Variants in ITGB7 observed in about 807,000 individuals in gnomAD.
The protein encoded by ITGB7 is integrin subunit beta 7.
Under a neutral mutation model 83.4 loss-of-function variants are expected in ITGB7, and 55 were observed. The ratio of observed to expected loss-of-function variants is 0.66; its 90% CI spans 0.53 to 0.83. The LOEUF is 0.83. Ranked by LOEUF, ITGB7 falls within the 40% of genes least tolerant of loss-of-function variation. The pLI is 0.00. For missense variants in ITGB7, 921 were observed against 1,046.7 expected (o/e 0.88, Z 1.66); for synonymous variants, 454 against 423.6 (o/e 1.07, Z -0.88).
At position 53,192,414 on chromosome 12, in the gene ITGB7, G is replaced by T. The variant is rs2230397; in HGVS notation, c.2071C>A (p.Arg691=). ...PILDDGWCKE[R]TLDNQLFFFL... is the part of the protein sequence containing the mutation. Reference sequence around the variant, plus strand: ...AAGAACAGCTGGTTGTCCAGGGTCCGCTCTTTGCACCAGCCATCATCCAAG... The same window carrying T: ...AAGAACAGCTGGTTGTCCAGGGTCCTCTCTTTGCACCAGCCATCATCCAAG... The change falls in exon 14 of 16, where the codon CGG becomes AGG. Residue 691 remains arginine, a synonymous_variant. Transcript: ENST00000267082. 9,192 of 1,613,948 alleles carry T rather than the reference G, an allele frequency of 5.7e-3. 451 individuals are homozygous for T. The African/African-American group carries it at 0.11, about 19-fold the overall frequency.
In ITGB7 at chr12:53,196,774, T is replaced by C. The variant is rs1312020848; in HGVS notation, c.621A>G (p.Thr207=). The stretch of plus-strand genomic sequence containing the variant: ...AGGGGTGGCGCAGTTTGGAGGGTAC[T>C]GTGCTCACAAAGGGCAGCACCGTTT... ...VDKTVLPFVS[T]VPSKLRHPCP... Residue 207 remains threonine, a synonymous_variant, in exon 6 of 16, where the codon ACA becomes ACG. Coordinates refer to ENST00000267082, the MANE Select transcript of ITGB7 (RefSeq NM_000889.3). The C allele has an allele frequency of 5.0e-6, 8 of 1,611,744 alleles. No homozygotes were observed. The highest frequency in any genetic ancestry group is 4.2e-6 in the Non-Finnish European group (5 of 1,178,194).
Position 53,191,392 on chromosome 12 carries a change from A to G in ITGB7, c.*164T>C, listed in dbSNP as rs930866608. On this transcript the variant is annotated 3_prime_UTR_variant, in exon 16 of 16. Transcript: ENST00000267082. ...TGGATGCAAGGTTGCAGGCATGGGA[A>G]GCAGCCCTCTTGGGTGTCACTCTGA... 1 of 648,592 alleles carries G rather than the reference A, an allele frequency of 1.5e-6. No individual in the cohort carries two copies. Among genetic ancestry groups the G allele is most frequent in the Non-Finnish European group, 2.8e-6 (1 of 358,450 alleles). 40.2% of individuals were successfully genotyped at this position (648,592 alleles called of 1,614,324 possible).
At chr12:53,195,303 C>T in intron 9 of ITGB7, 71 bp downstream of exon 9, 1 of 1,102,846 alleles carries the variant, frequency 9.1e-7, no homozygotes, top group South Asian at 1.2e-5. Flanking sequence ...TTCTGCCACC[C>T]CACCCAAGGG....
chr12:53,200,188 TATACACATACAC>T (rs372422595), intron 3 of ITGB7, 43 bp downstream of exon 3: 27 of 1,452,894 alleles, frequency 1.9e-5, no homozygotes, highest in East Asian at 6.8e-5. Context: ...TGCACATACA[TATACACATACAC>T]ATACACATAC....
chr12:53,200,692 G>A (rs1942304657), intron 2 of ITGB7, among the ~76,000 whole-genome samples: 1 of 152,162 alleles, frequency 6.6e-6, no homozygotes, highest in Non-Finnish European at 1.5e-5. Flanking sequence ...ACTTTAGGAA[G>A]CCAAGGTGGG....
At chr12:53,191,772 G>C in intron 15 of ITGB7, 87 bp downstream of exon 15, 1 of 1,577,970 alleles carries the variant, frequency 6.3e-7, no homozygotes, top group South Asian at 1.1e-5. Flanking sequence ...ATGTGCCAGG[G>C]GCTGGGGGAA....
rs1270555561 is a variant in ITGB7 at position 53,207,220 on chromosome 12, C to CA, written c.-146_-145insT. On this transcript the variant is annotated 5_prime_UTR_variant, in exon 1 of 16. Coordinates refer to ENST00000267082, the MANE Select transcript of ITGB7 (RefSeq NM_000889.3). ...TACTCACAGGTGCGTGCAGAGCAGT[C>CA]CTTCCTCTGGCGGCAGCAGCAGCCT... The CA allele has an allele frequency of 6.5e-6, 1 of 152,702 alleles. No individual in the cohort carries two copies. The highest frequency in any genetic ancestry group is 1.5e-5 in the Non-Finnish European group (1 of 68,110). The allele number at this position is 152,702 out of a possible 1,614,324, so 9.5% of individuals were successfully genotyped here.
At chr12:53,206,746 C>A (rs2120554050) in intron 1 of ITGB7, 1 of 152,410 alleles carries the variant, frequency 6.6e-6, no homozygotes, top group East Asian at 1.9e-4. Flanking sequence ...GCTGCTGGGC[C>A]TCAGTGTCCC....
At position 53,197,953 on chromosome 12, in the gene ITGB7, T is replaced by C. The variant is rs776886383; in HGVS notation, c.202-2A>G. ...CGCCTCTCCCGACGCGGTGAAGTTCTGCTCAGCAAGAAAAGGCGCGTCGGG... is the reference window on the plus strand; with the variant it reads ...CGCCTCTCCCGACGCGGTGAAGTTCCGCTCAGCAAGAAAAGGCGCGTCGGG... On this transcript the variant is annotated splice_acceptor_variant, in intron 3 of 15. Transcript: ENST00000267082. LOFTEE classifies it high-confidence loss of function. 6.5e-7 allele frequency: 1 copy of C among 1,537,330 alleles called. No individual in the cohort carries two copies. The highest frequency in any genetic ancestry group is 8.7e-7 in the Non-Finnish European group (1 of 1,148,702).
chr12:53,201,082 AG>A lies in ITGB7; in HGVS notation c.-15del, dbSNP rs1942313205. On this transcript the variant is annotated 5_prime_UTR_variant, in exon 2 of 16. Transcript: ENST00000267082. ...CCCAGTTCTATTTACCGAGATCCCAAGCCGTAGTGGTAGAAGAGCCAAACAG... is the reference window on the plus strand; with the variant it reads ...CCCAGTTCTATTTACCGAGATCCCAACCGTAGTGGTAGAAGAGCCAAACAG... The A allele has an allele frequency of 6.6e-6, 1 of 152,224 alleles. No homozygotes were observed. The highest frequency in any genetic ancestry group is 2.4e-5 in the African/African-American group (1 of 41,432). 9.4% of individuals were successfully genotyped at this position (152,224 alleles called of 1,614,324 possible). A position where few individuals can be genotyped will look rare whatever the true frequency, so the allele number is the denominator to read the frequency against.
chr12:53,197,710 A>C, intron 4 of ITGB7, 40 bp downstream of exon 4: 1 of 1,599,414 alleles, frequency 6.3e-7, no homozygotes, highest in Non-Finnish European at 8.5e-7. Flanking sequence ...TTGGAACGCC[A>C]GCCTAGACCT....
At chr12:53,195,984 T>C in intron 7 of ITGB7, 57 bp downstream of exon 7, 2 of 1,592,556 alleles carry the variant, frequency 1.3e-6, no homozygotes, top group Non-Finnish European at 1.7e-6. Context: ...GTGGGAGTCC[T>C]GGAAGGAAAG....
intron 2 of ITGB7, 141 bp downstream of exon 2, chr12:53,200,931 A>AT: frequency 6.4e-6 from 1 of 155,718 alleles, no homozygotes; most frequent in East Asian, 1.9e-4. Context: ...TCTGTCTTAA[A>AT]AAAAAAAAAA....
At chr12:53,194,157 C>T (rs1942073828) in intron 10 of ITGB7, 41 bp downstream of exon 10, 2 of 1,612,046 alleles carry the variant, frequency 1.2e-6, no homozygotes, top group Admixed American at 1.7e-5. Context: ...CCACTCCCAC[C>T]TCCCCCTGCC....
chr12:53,202,871 A>G (rs11170470), intron 1 of ITGB7, among the ~76,000 whole-genome samples: 7,489 of 152,198 alleles, frequency 0.049, 291 homozygotes, highest in East Asian at 0.16. Flanking sequence ...GGTGCTTTCA[A>G]CATGCAAAAG....
chr12:53,191,798 CAG>C (rs1348290768), intron 15 of ITGB7, 59 bp downstream of exon 15: 48 of 1,603,650 alleles, frequency 3.0e-5, no homozygotes, highest in Non-Finnish European at 3.7e-5. Context: ...TGGGAGGAAT[CAG>C]GGCTGGTCTT....
At chr12:53,195,539 G>T in intron 8 of ITGB7, 76 bp from the exon 9 acceptor site, 1 of 1,508,680 alleles carries the variant, frequency 6.6e-7, no homozygotes, top group East Asian at 2.3e-5. Context: ...TGGAAGGAGG[G>T]CATATGGGGG....
At position 53,195,471 on chromosome 12, in the gene ITGB7, T is replaced by C. The variant is rs760200167; in HGVS notation, c.1072-8A>G. The C allele has an allele frequency of 1.2e-6, 2 of 1,611,834 alleles. No homozygotes were observed. The highest frequency in any genetic ancestry group is 1.7e-6 in the Non-Finnish European group (2 of 1,178,018). ...AATCAGTTTACTCAGCTCCTGAGTT[T>C]TGGGGAGTTAAGGGAAATGGTGGGT... On this transcript the variant is annotated splice_region_variant and splice_polypyrimidine_tract_variant and intron_variant, in intron 8 of 15. Transcript: ENST00000267082.
chr12:53,196,754 T>G lies in ITGB7; in HGVS notation c.641A>C (p.His214Pro), dbSNP rs1592404278. ...FVSTVPSKLR[H>P]PCPTRLERCQ... ...GCGCTCCAGCCGGGTGGGGCAGGGG[T>G]GGCGCAGTTTGGAGGGTACTGTGCT... Residue 214 changes from histidine (H) to proline (P), a missense_variant, in exon 6 of 16, where the codon CAC (histidine) becomes CCC (proline). By Grantham distance (77) the His-to-Pro change is moderately conservative. Coordinates refer to ENST00000267082, the MANE Select transcript of ITGB7 (RefSeq NM_000889.3). 1.9e-6 allele frequency: 3 copies of G among 1,613,356 alleles called. No homozygotes were observed. The highest frequency in any genetic ancestry group is 1.7e-6 in the Non-Finnish European group (2 of 1,179,634).
Sources: gnomAD v4.1 joint callset for allele counts (sites outside exome capture counted in the v4.1 genomes callset) on GRCh38, gnomAD v4.1.1 for gene constraint, MANE v1.5 for transcripts, NCBI Gene and HGNC (gene_info 2026-07-23, HGNC 2026-07-21) for gene names.